Variants in CBL observed in about 807,000 individuals in gnomAD.
CBL encodes E3 ubiquitin-protein ligase CBL.
A neutral mutation model predicts 96.9 loss-of-function variants in CBL; 45 were observed. The observed-to-expected ratio is 0.46, with a 90% CI of 0.37 to 0.60. The LOEUF is 0.60. CBL is among the 20% of genes least tolerant of loss of function. The probability of loss-of-function intolerance (pLI) is 0.00; values close to 1 mark genes in which losing one functional copy is unlikely to be tolerated. For missense variants in CBL, 1,024 were observed against 1,143.5 expected (o/e 0.90, Z 1.51); for synonymous variants, 420 against 426.8 (o/e 0.98, Z 0.20).
At chr11:119,220,802 C>A (rs1404535161) in intron 1 of CBL, among the ~76,000 whole-genome samples, 1 of 151,926 alleles carries the variant, frequency 6.6e-6, no homozygotes, top group Non-Finnish European at 1.5e-5. Context: ...AATTCAAGAA[C>A]CTGAATGGAG....
chr11:119,240,473 G>T (rs150254894), intron 2 of CBL, among the ~76,000 whole-genome samples: 1 of 152,248 alleles, frequency 6.6e-6, no homozygotes, highest in East Asian at 1.9e-4. Context: ...GTAAATTGCA[G>T]AAAAGTTTGG....
intron 1 of CBL, among the ~76,000 whole-genome samples, chr11:119,217,133 C>G (rs1949368404): frequency 6.6e-6 from 1 of 152,000 alleles, no homozygotes; most frequent in Admixed American, 6.6e-5. Context: ...ATCTTTTTTT[C>G]TGAGACACAG....
At chr11:119,282,917 A>C (rs1157162667) in intron 9 of CBL, among the ~76,000 whole-genome samples, 1 of 150,884 alleles carries the variant, frequency 6.6e-6, no homozygotes, top group Non-Finnish European at 1.5e-5. Context: ...GACCCCGTCT[A>C]CCCGTGCCTT....
chr11:119,206,808 G>T (rs1346421194), intron 1 of CBL, among the ~76,000 whole-genome samples, 196 bp downstream of exon 1: 2 of 151,288 alleles, frequency 1.3e-5, no homozygotes, highest in Non-Finnish European at 3.0e-5. Context: ...TGGGGGAGGG[G>T]CTGCCGTTGG....
rs34732429 is a variant in CBL, at chr11:119,278,641, A to C, written c.1359A>C (p.Pro453=). Residue 453 remains proline, a synonymous_variant, in exon 9 of 16, where the codon CCA becomes CCC. Transcript: ENST00000264033. ...AAGGAGCAGAGGGAGCTCCCTCCCC[A>C]AATTATGATGATGATGATGATGAAC... ...LRQGAEGAPS[P]NYDDDDDERA... 567 of 1,614,100 alleles carry C rather than the reference A, an allele frequency of 3.5e-4. 2 individuals carry two copies. The African/African-American group carries it at 6.1e-3, about 17-fold the overall frequency.
intron 2 of CBL, among the ~76,000 whole-genome samples, chr11:119,238,270 G>T (rs2135270438): frequency 6.7e-6 from 1 of 149,966 alleles, no homozygotes; most frequent in East Asian, 2.0e-4. Context: ...ACCCAGGCTG[G>T]AGTACAGTGG....
chr11:119,289,207 G>T (rs914999597), intron 12 of CBL, among the ~76,000 whole-genome samples: 8 of 152,148 alleles, frequency 5.3e-5, no homozygotes, highest in African/African-American at 1.9e-4. Context: ...TTTGTTAATT[G>T]TGTTAAATCT....
intron 1 of CBL, 79 bp downstream of exon 1, chr11:119,206,691 G>A (rs1949272124): frequency 7.0e-7 from 1 of 1,438,550 alleles, no homozygotes; most frequent in South Asian, 1.3e-5. Context: ...AGCGGACGGA[G>A]GAAGCGGGGG....
rs77605547 is a variant in CBL, at chr11:119,271,055, C to T, written c.444-680C>T. Among the ~76,000 whole-genome samples the T allele has an allele frequency of 9.1e-3, 1,389 of 152,250 alleles. 18 individuals are homozygous for T. The highest frequency in any genetic ancestry group is 0.026 in the African/African-American group (1,079 of 41,524). On this transcript the variant is annotated intron_variant, in intron 2 of 15. Coordinates refer to ENST00000264033, the MANE Select transcript of CBL (RefSeq NM_005188.4). ...AAATTTATCTCTTTAAGGTCTGGTT[C>T]AGTGAAAGAAAGCATTTATTAGGTC...
rs1950099033 is a variant in CBL, at chr11:119,301,144, CCTTTCCTT to C, written c.*1365_*1372del. 4.3e-6 allele frequency: 1 copy of C among 233,150 alleles called. No homozygotes were observed. The allele number at this position is 233,150 out of a possible 1,614,324, so 14.4% of individuals were successfully genotyped here. A position where few individuals can be genotyped will look rare whatever the true frequency, so the allele number is the denominator to read the frequency against. On this transcript the variant is annotated 3_prime_UTR_variant, in exon 16 of 16. Transcript: ENST00000264033. ...TTTGGGAATGTAACATCTCTTTCCT[CCTTTCCTT>C]CCCTTTTCCTCTTCACCTGAGGTCC...
At chr11:119,217,293 T>G (rs1216549124) in intron 1 of CBL, among the ~76,000 whole-genome samples, 2 of 152,178 alleles carry the variant, frequency 1.3e-5, no homozygotes, top group African/African-American at 4.8e-5. Context: ...TTTTGTATTT[T>G]TAGTAGACGG....
intron 9 of CBL, among the ~76,000 whole-genome samples, chr11:119,284,433 A>G (rs912096434): frequency 6.6e-6 from 1 of 151,786 alleles, no homozygotes; most frequent in Non-Finnish European, 1.5e-5. Context: ...AGCCTCCCAA[A>G]TAGCTGTGTG....
intron 1 of CBL, among the ~76,000 whole-genome samples, chr11:119,211,228 C>T (rs768434856): frequency 2.6e-5 from 4 of 151,800 alleles, no homozygotes; most frequent in Non-Finnish European, 5.9e-5. Context: ...AAAAATTAGC[C>T]GGGCATGGTG....
In CBL at chr11:119,301,584, A is replaced by G. The variant is rs1011304302; in HGVS notation, c.*1803A>G. 7 of 233,162 alleles carry G rather than the reference A, an allele frequency of 3.0e-5. No individual in the cohort carries two copies. Among genetic ancestry groups the G allele is most frequent in the African/African-American group, 1.5e-4 (7 of 45,336 alleles). 14.4% of individuals were successfully genotyped at this position (233,162 alleles called of 1,614,324 possible). A position where few individuals can be genotyped will look rare whatever the true frequency, so the allele number is the denominator to read the frequency against. On this transcript the variant is annotated 3_prime_UTR_variant, in exon 16 of 16. Coordinates refer to ENST00000264033, the MANE Select transcript of CBL (RefSeq NM_005188.4). ...AACTTGTTCTAACTCGTCTCTTGGC[A>G]TTCAGCTACTCCTAGATCTTTTGGT...
At position 119,206,449 on chromosome 11, in the gene CBL, C is replaced by T. The variant is rs1302101624; in HGVS notation, c.32C>T (p.Ala11Val). 6.3e-7 allele frequency: 1 copy of T among 1,580,122 alleles called. No homozygotes were observed. Among genetic ancestry groups the T allele is most frequent in the Non-Finnish European group, 8.6e-7 (1 of 1,167,662 alleles). ...GGCAACGTGAAGAAGAGCTCTGGGG[C>T]CGGGGGCGGCAGCGGCTCCGGGGGC... is the stretch of plus-strand genomic sequence containing the variant. Reference protein sequence around the residue: MAGNVKKSSGAGGGSGSGGSG... With the variant: MAGNVKKSSGVGGGSGSGGSG... Residue 11 changes from alanine (A) to valine (V), a missense_variant, in exon 1 of 16, where the codon GCC becomes GTC. By Grantham distance (64) the Ala-to-Val change is moderately conservative (BLOSUM62 0). Coordinates refer to ENST00000264033, the MANE Select transcript of CBL (RefSeq NM_005188.4).
intron 2 of CBL, among the ~76,000 whole-genome samples, chr11:119,247,959 A>G (rs896235212): frequency 4.6e-5 from 7 of 152,230 alleles, no homozygotes; most frequent in African/African-American, 1.4e-4. Flanking sequence ...ACTACAAAAC[A>G]TTGCTGAAAG....
Position 119,303,531 on chromosome 11 carries a change from T to C in CBL, c.*3750T>C, listed in dbSNP as rs910811918. On this transcript the variant is annotated 3_prime_UTR_variant, in exon 16 of 16. Transcript: ENST00000264033. ...AAAATAGCTCTTCCCAGTAAGATTG[T>C]GCAATTTTTATTCACAGCTCTTCCA... 3 of 233,556 alleles carry C rather than the reference T, an allele frequency of 1.3e-5. No homozygotes were observed. The highest frequency in any genetic ancestry group is 2.5e-5 in the Non-Finnish European group (3 of 118,040). The allele number at this position is 233,556 out of a possible 1,614,324, so 14.5% of individuals were successfully genotyped here.
intron 14 of CBL, 53 bp downstream of exon 14, chr11:119,297,534 C>A (rs1950072882): frequency 2.3e-6 from 3 of 1,322,772 alleles, no homozygotes; most frequent in Non-Finnish European, 3.3e-6. Context: ...TAGGAATGAA[C>A]ATGTAATATT....
At chr11:119,259,780 C>T (rs898804118) in intron 2 of CBL, among the ~76,000 whole-genome samples, 1 of 152,132 alleles carries the variant, frequency 6.6e-6, no homozygotes, top group African/African-American at 2.4e-5. Context: ...AAATTGGCAT[C>T]GTTTTCTTAT....
Sources: allele counts gnomAD v4.1 joint callset (sites outside exome capture counted in the v4.1 genomes callset), GRCh38; gene constraint gnomAD v4.1.1; transcripts MANE v1.5; gene names NCBI Gene and HGNC (gene_info 2026-07-23, HGNC 2026-07-21).